Variants in DPP6 observed in about 807,000 individuals in gnomAD.
DPP6 encodes the protein A-type potassium channel modulatory protein DPP6.
DPP6 carries 69 observed loss-of-function variants against 122.6 expected under a neutral mutation model. That is an observed-to-expected ratio of 0.56 (90% CI 0.46 to 0.69). The LOEUF is 0.69. Ranked by LOEUF, DPP6 falls within the 30% of genes least tolerant of loss-of-function variation. DPP6 has a pLI of 0.00. For synonymous variants in DPP6, 418 were observed against 433.1 expected, an observed-to-expected ratio of 0.97 and a Z score of 0.43; for missense variants, 928 against 1,116.9, an observed-to-expected ratio of 0.83 and a Z score of 2.41.
At chr7:154,707,385 T>C (rs999639448) in intron 7 of DPP6, among the ~76,000 whole-genome samples, 2 of 152,202 alleles carry the variant, frequency 1.3e-5, no homozygotes, top group Admixed American at 6.5e-5. Flanking sequence ...TTTTTTGCCA[T>C]ATCCTAGAGC....
intron 1 of DPP6, among the ~76,000 whole-genome samples, chr7:154,009,974 G>A (rs2533533): frequency 1.3e-5 from 2 of 152,356 alleles, no homozygotes; most frequent in East Asian, 3.9e-4. Flanking sequence ...GCCTAAAGTC[G>A]CATAGGTAAT....
chr7:154,055,176 T>G (rs751356667), intron 1 of DPP6, among the ~76,000 whole-genome samples: 1 of 147,054 alleles, frequency 6.8e-6, no homozygotes, highest in Non-Finnish European at 1.5e-5. Context: ...GATATATATA[T>G]GCACACATAT....
At chr7:154,694,515 G>A (rs1840104632) in intron 7 of DPP6, among the ~76,000 whole-genome samples, 1 of 152,174 alleles carries the variant, frequency 6.6e-6, no homozygotes, top group Admixed American at 6.5e-5. Context: ...GGAAGGCTGA[G>A]GCAGGAGAAT....
chr7:154,738,402 G>A (rs1483950954), intron 8 of DPP6, among the ~76,000 whole-genome samples: 1 of 152,196 alleles, frequency 6.6e-6, no homozygotes, highest in Non-Finnish European at 1.5e-5. Context: ...ATGGTGACCA[G>A]TCGGTTTGCT....
At position 154,844,365 on chromosome 7, in the gene DPP6, T is replaced by C. The variant is rs76606279; in HGVS notation, c.1667-9415T>C. On this transcript the variant is annotated intron_variant, in intron 16 of 25. Coordinates refer to ENST00000377770, the MANE Select transcript of DPP6 (RefSeq NM_130797.4). Reference sequence around the variant, plus strand: ...TGGTACCAGCTTCCCCAAAATTCTGTGTATGTTCTTCGTGTGTTCGGCATG... The same window carrying C: ...TGGTACCAGCTTCCCCAAAATTCTGCGTATGTTCTTCGTGTGTTCGGCATG... Among the ~76,000 whole-genome samples the C allele has an allele frequency of 8.4e-3, 1,280 of 152,338 alleles. 16 individuals carry two copies. Among genetic ancestry groups the C allele is most frequent in the African/African-American group, 0.028 (1,175 of 41,568 alleles).
chr7:154,663,580 C>T (rs1432715711), intron 6 of DPP6, among the ~76,000 whole-genome samples: 4 of 24,632 alleles, frequency 1.6e-4, no homozygotes, highest in Non-Finnish European at 2.9e-4. Context: ...CTAGTGTTCA[C>T]GCAGTCATGG....
chr7:154,292,356 T>C (rs1178875962), intron 1 of DPP6, among the ~76,000 whole-genome samples: 1 of 152,222 alleles, frequency 6.6e-6, no homozygotes, highest in Non-Finnish European at 1.5e-5. Context: ...GTTTCAGTCT[T>C]GCATCTTTTC....
chr7:154,777,351 G>C (rs141839313), intron 10 of DPP6, among the ~76,000 whole-genome samples: 3 of 152,264 alleles, frequency 2.0e-5, no homozygotes, highest in African/African-American at 7.2e-5. Context: ...AGGCCCTCTT[G>C]GGAAACGGTT....
At chr7:154,222,160 A>G (rs1415525360) in intron 1 of DPP6, among the ~76,000 whole-genome samples, 2 of 152,060 alleles carry the variant, frequency 1.3e-5, no homozygotes, top group East Asian at 3.9e-4. Flanking sequence ...ACCCATTTTC[A>G]TCTTTGAGCC....
At chr7:153,969,280 T>C (rs1418562240) in intron 1 of DPP6, among the ~76,000 whole-genome samples, 1 of 149,680 alleles carries the variant, frequency 6.7e-6, no homozygotes, top group Non-Finnish European at 1.5e-5. Flanking sequence ...TCAGCCATTT[T>C]TTTTTTCTTG....
intron 5 of DPP6, among the ~76,000 whole-genome samples, chr7:154,625,992 G>A (rs539425421): frequency 1.2e-3 from 189 of 152,320 alleles, no homozygotes; most frequent in South Asian, 2.5e-3. Context: ...AGGCAGTAAA[G>A]TAGGAGGTTG....
rs367889533 is a variant in DPP6, at chr7:154,217,965, T to C, written c.243+164902T>C. On this transcript the variant is annotated intron_variant, in intron 1 of 25. Coordinates refer to ENST00000377770, the MANE Select transcript of DPP6 (RefSeq NM_130797.4). ...GTGAATGACCTGTGATTCTGCGTCC[T>C]CCCTCTACTGTGGTTTCCTGTCTCT... is the stretch of plus-strand genomic sequence containing the variant. Among the ~76,000 whole-genome samples the C allele has an allele frequency of 5.3e-5, 8 of 152,328 alleles. No individual in the cohort carries two copies. In the East Asian group the frequency reaches 1.2e-3, roughly 22 times the overall value.
chr7:154,055,619 C>T (rs1186543289), intron 1 of DPP6: 1 of 152,148 alleles, frequency 6.6e-6, no homozygotes, highest in Non-Finnish European at 1.5e-5. Context: ...TGTCTTGCAA[C>T]TGCTGACAAC....
At chr7:154,685,782 A>G (rs1341384743) in intron 7 of DPP6, among the ~76,000 whole-genome samples, 1 of 152,234 alleles carries the variant, frequency 6.6e-6, no homozygotes, top group Non-Finnish European at 1.5e-5. Context: ...CTCCTGGTCA[A>G]TTCAACTTAA....
chr7:154,166,357 C>T (rs1336892329), intron 1 of DPP6, among the ~76,000 whole-genome samples: 1 of 152,130 alleles, frequency 6.6e-6, no homozygotes, highest in Non-Finnish European at 1.5e-5. Context: ...ACCCGTGAGC[C>T]ATCCTTCTCA....
At chr7:154,866,983 C>CT (rs11409452) in intron 17 of DPP6, among the ~76,000 whole-genome samples, 22,078 of 140,322 alleles carry the variant, frequency 0.16, 2,175 homozygotes, top group East Asian at 0.47. Context: ...TGCAGAGCAG[C>CT]TTTTTTTTTT....
At chr7:154,489,921 A>G (rs1325317542) in intron 3 of DPP6, among the ~76,000 whole-genome samples, 1 of 152,208 alleles carries the variant, frequency 6.6e-6, no homozygotes, top group Non-Finnish European at 1.5e-5. Flanking sequence ...TTTGCGAGGC[A>G]AGGAACCGAC....
At chr7:153,905,830 C>T (rs180942115) in intron 1 of DPP6, among the ~76,000 whole-genome samples, 6 of 152,250 alleles carry the variant, frequency 3.9e-5, no homozygotes, top group East Asian at 1.9e-4. Flanking sequence ...GACCAACACA[C>T]GAGCAGCATC....
At chr7:153,976,988 GC>G (rs1796338623) in intron 1 of DPP6, among the ~76,000 whole-genome samples, 1 of 152,218 alleles carries the variant, frequency 6.6e-6, no homozygotes, top group South Asian at 2.1e-4. Context: ...AGCACCCTCT[GC>G]TCTGCTGTGC....
Sources: allele counts gnomAD v4.1 joint callset (sites outside exome capture counted in the v4.1 genomes callset), GRCh38; gene constraint gnomAD v4.1.1; transcripts MANE v1.5; gene names NCBI Gene and HGNC (gene_info 2026-07-23, HGNC 2026-07-21).